The following ATP7B variants were observed in gnomAD, a reference collection of about 807,000 sequenced individuals.
ATP7B encodes ATPase copper transporting beta.
In ATP7B, 113 loss-of-function variants were observed where a neutral mutation model predicts 118.9. The ratio of observed to expected loss-of-function variants is 0.95; its 90% CI spans 0.82 to 1.11. ATP7B has a LOEUF of 1.11. ATP7B is among the 50% of genes most tolerant of loss of function. ATP7B has a pLI of 0.00. For missense variants in ATP7B, 1,867 were observed against 1,871.4 expected (o/e 1.00, Z 0.04); for synonymous variants, 777 against 727.4 (o/e 1.07, Z -1.10).
Position 51,944,122 on chromosome 13 carries a change from T to C in ATP7B, c.3230A>G (p.Lys1077Arg). 6.2e-7 allele frequency: 1 copy of C among 1,614,090 alleles called. No individual in the cohort carries two copies. Among genetic ancestry groups the C allele is most frequent in the Non-Finnish European group, 8.5e-7 (1 of 1,180,008 alleles). Reference protein sequence around the residue: ...SEHPLGVAVTKYCKEELGTET... With the variant: ...SEHPLGVAVTRYCKEELGTET... ...AAGTCCACGTACCTCTTTACAGTATTTGGTGACTGCCACGCCCAAGGGGTG... is the reference window on the plus strand; with the variant it reads ...AAGTCCACGTACCTCTTTACAGTATCTGGTGACTGCCACGCCCAAGGGGTG... Residue 1077 changes from lysine (K) to arginine (R), a missense_variant, in exon 14 of 21, where the codon AAA (lysine) becomes AGA (arginine). By Grantham distance (26) the Lys-to-Arg change is conservative. Coordinates refer to ENST00000242839, the MANE Select transcript of ATP7B (RefSeq NM_000053.4).
chr13:51,944,222 G>C lies in ATP7B; in HGVS notation c.3130C>G (p.Leu1044Val). The stretch of plus-strand genomic sequence containing the variant: ...GGCAGTGTGGCCACATCCCCCAGCA[G>C]GAGCACCCGCATGACCCTGGGGACG... Reference protein sequence around the residue: ...HGVPRVMRVLLLGDVATLPLR... With the variant: ...HGVPRVMRVLVLGDVATLPLR... The change falls in exon 14 of 21, where the codon CTG becomes GTG. Residue 1044 changes from leucine (L) to valine (V), a missense_variant. Transcript: ENST00000242839. 1 of 1,614,132 alleles carries C rather than the reference G, an allele frequency of 6.2e-7. No homozygotes were observed. Among genetic ancestry groups the C allele is most frequent in the Non-Finnish European group, 8.5e-7 (1 of 1,180,030 alleles).
intron 7 of ATP7B, 72 bp from the exon 8 acceptor site, chr13:51,958,616 G>A: frequency 7.3e-7 from 1 of 1,376,582 alleles, no homozygotes; most frequent in Non-Finnish European, 1.0e-6. Flanking sequence ...AGGGCCAAGG[G>A]CCCTGGGGAT....
chr13:51,995,098 C>G (rs2140423829), intron 1 of ATP7B, among the ~76,000 whole-genome samples: 1 of 152,216 alleles, frequency 6.6e-6, no homozygotes, highest in African/African-American at 2.4e-5. Context: ...TAGAGTCTTA[C>G]AAAATATTCT....
chr13:51,952,881 T>C (rs1287304194), intron 9 of ATP7B, among the ~76,000 whole-genome samples: 1 of 152,208 alleles, frequency 6.6e-6, no homozygotes, highest in Non-Finnish European at 1.5e-5. Flanking sequence ...TCATATTGAT[T>C]GGCCTCTTGT....
In ATP7B at chr13:51,946,413, C is replaced by T. The variant is rs766153385; in HGVS notation, c.2931G>A (p.Thr977=). 7 of 1,614,148 alleles carry T rather than the reference C, an allele frequency of 4.3e-6. No individual in the cohort carries two copies. The highest frequency in any genetic ancestry group is 2.2e-5 in the East Asian group (1 of 44,886). Residue 977 remains threonine (T), a synonymous_variant, in exon 13 of 21, where the codon ACG becomes ACA. Transcript: ENST00000242839. ...AGCAGGGGCAGGCAATGCACAGCAC[C>T]GTGATGGACGTCTGGAAAGCAAACC... is the stretch of plus-strand genomic sequence containing the variant. ...IIRFAFQTSI[T]VLCIACPCSL... is the part of the protein sequence containing the mutation.
In ATP7B at chr13:51,950,181, A is replaced by T; in HGVS notation, c.2576-20T>A. On this transcript the variant is annotated intron_variant, in intron 10 of 20. Transcript: ENST00000242839. ...CTTCTCCTAGACGTAGGAAAGAGAC[A>T]ACTGTCACTTGCTCAGCCCCATCCA... 1 of 1,614,178 alleles carries T rather than the reference A, an allele frequency of 6.2e-7. No homozygotes were observed. The highest frequency in any genetic ancestry group is 1.3e-5 in the African/African-American group (1 of 75,038).
intron 6 of ATP7B, 91 bp from the exon 7 acceptor site, chr13:51,960,413 C>A (rs1958656784): frequency 2.7e-6 from 4 of 1,490,434 alleles, no homozygotes; most frequent in Non-Finnish European, 3.7e-6. Flanking sequence ...CAGTTTAAGA[C>A]CTGCCTTTGT....
chr13:52,009,470 A>C (rs574220180), intron 1 of ATP7B, among the ~76,000 whole-genome samples: 1 of 152,212 alleles, frequency 6.6e-6, no homozygotes, highest in Non-Finnish European at 1.5e-5. Flanking sequence ...CTATAACCTG[A>C]TTTACAACCA....
intron 1 of ATP7B, 108 bp downstream of exon 1, chr13:52,011,178 TC>T (rs1954014585): frequency 6.5e-7 from 1 of 1,534,502 alleles, no homozygotes; most frequent in East Asian, 2.2e-5. Context: ...GGGGTCTGGC[TC>T]GGCCTTCCCT....
chr13:51,945,805 C>T (rs1229759118), intron 13 of ATP7B, among the ~76,000 whole-genome samples: 1 of 152,144 alleles, frequency 6.6e-6, no homozygotes, highest in Admixed American at 6.5e-5. Flanking sequence ...GTGTGGAAGG[C>T]CAGAGGTTAG....
At chr13:51,951,834 G>T (rs1028932211) in intron 9 of ATP7B, among the ~76,000 whole-genome samples, 2 of 151,836 alleles carry the variant, frequency 1.3e-5, no homozygotes, top group African/African-American at 4.8e-5. Context: ...GTTACACATT[G>T]AAAAAAGAAA....
At chr13:51,961,218 C>T (rs1462953238) in intron 6 of ATP7B, among the ~76,000 whole-genome samples, 2 of 151,896 alleles carry the variant, frequency 1.3e-5, no homozygotes, top group African/African-American at 4.8e-5. Flanking sequence ...TCATTGCTCA[C>T]TCACTCTTTC....
intron 9 of ATP7B, among the ~76,000 whole-genome samples, chr13:51,953,976 T>A (rs1387167008): frequency 1.3e-5 from 2 of 152,110 alleles, no homozygotes; most frequent in African/African-American, 4.8e-5. Flanking sequence ...TGACAGCAGT[T>A]TCATTCCACC....
At chr13:51,987,756 C>T (rs1952726465) in intron 1 of ATP7B, among the ~76,000 whole-genome samples, 1 of 152,152 alleles carries the variant, frequency 6.6e-6, no homozygotes. Flanking sequence ...AGAAATAACA[C>T]CACACATCTA....
At chr13:51,984,318 G>A (rs139708878) in intron 1 of ATP7B, among the ~76,000 whole-genome samples, 1,858 of 151,994 alleles carry the variant, frequency 0.012, 39 homozygotes, top group African/African-American at 0.043. Flanking sequence ...GAATATCAGC[G>A]ACTGAAGATC....
intron 2 of ATP7B, among the ~76,000 whole-genome samples, chr13:51,972,279 G>A (rs1463926403): frequency 1.3e-5 from 2 of 152,122 alleles, no homozygotes; most frequent in East Asian, 1.9e-4. Flanking sequence ...TAGTTAACCC[G>A]CGAAGATACG....
At chr13:52,011,078 T>C (rs1010106157) in intron 1 of ATP7B, among the ~76,000 whole-genome samples, 3 of 152,188 alleles carry the variant, frequency 2.0e-5, no homozygotes, top group Admixed American at 2.0e-4. Flanking sequence ...AATTTTGAGG[T>C]GCGGGGTTTT....
intron 1 of ATP7B, among the ~76,000 whole-genome samples, chr13:51,992,053 A>C (rs1371745119): frequency 6.6e-6 from 1 of 152,106 alleles, no homozygotes; most frequent in Non-Finnish European, 1.5e-5. Context: ...AACATAGAAG[A>C]ATCAAAGAAA....
chr13:52,011,045 G>T (rs1313622662), intron 1 of ATP7B, among the ~76,000 whole-genome samples: 2 of 152,208 alleles, frequency 1.3e-5, no homozygotes, highest in East Asian at 3.8e-4. Flanking sequence ...TCCAGCATCA[G>T]ACCCCTTAAA....
Sources: gnomAD v4.1 joint callset for allele counts (sites outside exome capture counted in the v4.1 genomes callset) on GRCh38, gnomAD v4.1.1 for gene constraint, MANE v1.5 for transcripts, NCBI Gene and HGNC (gene_info 2026-07-23, HGNC 2026-07-21) for gene names.